The following CCDC7 variants were observed in gnomAD, a reference collection of about 807,000 sequenced individuals.
CCDC7 encodes the protein coiled-coil domain containing 7, also known as coiled-coil domain-containing protein 7.
In CCDC7, 183 loss-of-function variants were observed where a neutral mutation model predicts 196.9. The observed-to-expected ratio is 0.93, with a 90% CI of 0.82 to 1.05. The LOEUF is 1.05. Ranked by LOEUF, CCDC7 falls within the 50% of genes least tolerant of loss-of-function variation. CCDC7 has a pLI of 0.00. For synonymous variants in CCDC7, 525 were observed against 484.6 expected (o/e 1.08, Z -1.10); for missense variants, 1,540 against 1,482.2 (o/e 1.04, Z -0.64).
intron 18 of CCDC7, among the ~76,000 whole-genome samples, chr10:32,616,714 T>C (rs568402355): frequency 2.8e-4 from 43 of 152,004 alleles, no homozygotes; most frequent in Admixed American, 8.5e-4. Flanking sequence ...ATAAGAGTGG[T>C]AAAAATGGGC....
intron 14 of CCDC7, among the ~76,000 whole-genome samples, chr10:32,566,501 A>G (rs925974086): frequency 3.3e-5 from 5 of 152,192 alleles, no homozygotes; most frequent in African/African-American, 1.2e-4. Context: ...ATGTACTTCT[A>G]TTACCTATTC....
At chr10:32,779,073 A>G (rs1418896704) in exon 29 of CCDC7, 1 of 1,546,960 alleles carries the variant, frequency 6.5e-7, no homozygotes, top group Non-Finnish European at 8.7e-7. Flanking sequence ...TTTGATTTAA[A>G]CAAAGTGGTC....
At position 32,581,110 on chromosome 10, in the gene CCDC7, C is replaced by A. The variant is rs116041017; in HGVS notation, c.1455-1924C>A. 8.4e-3 allele frequency among the ~76,000 whole-genome samples: 1,278 copies of A among 152,180 alleles called. 28 individuals are homozygous for A. The highest frequency in any genetic ancestry group is 0.028 in the African/African-American group (1,177 of 41,500). The stretch of plus-strand genomic sequence containing the variant: ...AGCAGGAAGAGATACACTCTTTATA[C>A]CACTTCAGTGATGTTGAAGACTGTC... On this transcript the variant is annotated intron_variant, in intron 16 of 41. Coordinates refer to ENST00000639629, the Ensembl canonical transcript of CCDC7.
intron 41 of CCDC7, among the ~76,000 whole-genome samples, chr10:32,861,099 C>G (rs1436658473): frequency 1.8e-5 from 2 of 113,274 alleles, no homozygotes; most frequent in Admixed American, 1.0e-4. Flanking sequence ...GCCTGCATAG[C>G]CAAGACAATC....
intron 18 of CCDC7, among the ~76,000 whole-genome samples, chr10:32,605,396 C>G (rs1168846019): frequency 6.6e-6 from 1 of 152,108 alleles, no homozygotes; most frequent in East Asian, 1.9e-4. Context: ...GTGGATGCAA[C>G]TTTGGAGCTG....
At chr10:32,818,074 T>C (rs989064486) in intron 31 of CCDC7, among the ~76,000 whole-genome samples, 4 of 152,204 alleles carry the variant, frequency 2.6e-5, no homozygotes, top group African/African-American at 9.7e-5. Flanking sequence ...CCCATCAGTG[T>C]GCTGTATTCA....
intron 3 of CCDC7, among the ~76,000 whole-genome samples, chr10:32,461,748 TATAC>T (rs1257985537): frequency 0.089 from 6,294 of 70,394 alleles, 289 homozygotes; most frequent in African/African-American, 0.16. Context: ...TATATATATA[TATAC>T]ATATATATAT....
intron 29 of CCDC7, among the ~76,000 whole-genome samples, chr10:32,800,790 T>C (rs1289538425): frequency 1.3e-5 from 2 of 152,192 alleles, no homozygotes; most frequent in African/African-American, 4.8e-5. Context: ...AGTCTGGAAA[T>C]TGGTTGAGGG....
At chr10:32,831,304 G>A (rs2092136643) in intron 32 of CCDC7, among the ~76,000 whole-genome samples, 1 of 152,102 alleles carries the variant, frequency 6.6e-6, no homozygotes, top group Non-Finnish European at 1.5e-5. Context: ...TGTTGCTCTG[G>A]GTGCATCAGT....
intron 20 of CCDC7, among the ~76,000 whole-genome samples, chr10:32,645,321 C>T (rs1391630594): frequency 6.6e-6 from 1 of 151,972 alleles, no homozygotes; most frequent in Non-Finnish European, 1.5e-5. Flanking sequence ...TGATGTGTCA[C>T]ATTTATTTGT....
chr10:32,800,104 G>A (rs2105083), intron 29 of CCDC7, among the ~76,000 whole-genome samples: 15,998 of 152,174 alleles, frequency 0.11, 1,042 homozygotes, highest in South Asian at 0.25. Context: ...TTAAGCTTAC[G>A]ATAATCCACT....
At chr10:32,542,354 CG>C (rs934803367) in intron 11 of CCDC7, among the ~76,000 whole-genome samples, 2 of 152,020 alleles carry the variant, frequency 1.3e-5, no homozygotes, top group East Asian at 3.9e-4. Context: ...GCAGAAAGGC[CG>C]GGTGCAGTGT....
At chr10:32,697,663 G>A (rs1368863097) in intron 24 of CCDC7, among the ~76,000 whole-genome samples, 1 of 152,178 alleles carries the variant, frequency 6.6e-6, no homozygotes, top group Non-Finnish European at 1.5e-5. Flanking sequence ...GGTAAACAAA[G>A]CAACTGGGAA....
chr10:32,529,024 T>C (rs1472953432), intron 11 of CCDC7, among the ~76,000 whole-genome samples: 2 of 152,014 alleles, frequency 1.3e-5, no homozygotes, highest in Admixed American at 6.6e-5. Context: ...TTTTATTTTA[T>C]GTTATTTTTT....
At chr10:32,681,801 C>T (rs1326678384) in intron 21 of CCDC7, among the ~76,000 whole-genome samples, 1 of 142,148 alleles carries the variant, frequency 7.0e-6, no homozygotes, top group Admixed American at 6.9e-5. Flanking sequence ...ATACACACAT[C>T]TGCATACATA....
At chr10:32,481,757 TC>T (rs1309277265) in intron 8 of CCDC7, 1 of 152,162 alleles carries the variant, frequency 6.6e-6, no homozygotes, top group Non-Finnish European at 1.5e-5. Flanking sequence ...TATCACTCCT[TC>T]ATTTTTGTAG....
chr10:32,773,869 G>A (rs558300730), intron 28 of CCDC7, among the ~76,000 whole-genome samples: 1 of 152,188 alleles, frequency 6.6e-6, no homozygotes, highest in African/African-American at 2.4e-5. Context: ...GTCTGGGGAA[G>A]ACTTATAGTG....
chr10:32,760,295 T>C (rs562312326), intron 28 of CCDC7, among the ~76,000 whole-genome samples: 3 of 152,114 alleles, frequency 2.0e-5, no homozygotes, highest in South Asian at 2.1e-4. Flanking sequence ...CACATGCACA[T>C]GTATGTTTAT....
At chr10:32,701,977 G>A (rs988070350) in intron 24 of CCDC7, among the ~76,000 whole-genome samples, 1 of 152,154 alleles carries the variant, frequency 6.6e-6, no homozygotes, top group Admixed American at 6.5e-5. Flanking sequence ...CCAGCTCCTG[G>A]ATTCATTGAT....
Sources: allele counts gnomAD v4.1 joint callset (sites outside exome capture counted in the v4.1 genomes callset), GRCh38; gene constraint gnomAD v4.1.1; transcripts MANE v1.5; gene names NCBI Gene and HGNC (gene_info 2026-07-23, HGNC 2026-07-21).